The following SGCZ variants were observed in gnomAD, a reference collection of about 807,000 sequenced individuals.
SGCZ encodes the protein sarcoglycan zeta, also known as zeta-sarcoglycan.
In SGCZ, 40 loss-of-function variants were observed where a neutral mutation model predicts 41.3. That is an observed-to-expected ratio of 0.97 (90% CI 0.75 to 1.26). The LOEUF is 1.26. SGCZ is among the 50% of genes most tolerant of loss of function. SGCZ has a pLI of 0.00. For synonymous variants in SGCZ, 206 were observed against 137.5 expected, an observed-to-expected ratio of 1.50 and a Z score of -3.49; for missense variants, 552 against 369.8, an observed-to-expected ratio of 1.49 and a Z score of -4.04.
Position 14,227,167 on chromosome 8 carries a change from T to C in SGCZ, c.424+10425A>G, listed in dbSNP as rs534006795. On this transcript the variant is annotated intron_variant, in intron 4 of 7. Transcript: ENST00000382080. ...GCACATTTTCTTAGTCTGCAATGCC[T>C]GCTTCCCTGGAGTGGCAGGCTGGTC... Among the ~76,000 whole-genome samples the C allele has an allele frequency of 5.8e-4, 88 of 152,264 alleles. 1 individual carries two copies. Among genetic ancestry groups the C allele is most frequent in the African/African-American group, 2.1e-3 (87 of 41,570 alleles).
At chr8:14,819,069 A>G (rs762350826) in intron 1 of SGCZ, among the ~76,000 whole-genome samples, 2 of 152,094 alleles carry the variant, frequency 1.3e-5, no homozygotes, top group Non-Finnish European at 2.9e-5. Context: ...GGATAGATTC[A>G]ACCCAAAAGA....
At chr8:14,623,299 C>T (rs548672345) in intron 1 of SGCZ, among the ~76,000 whole-genome samples, 2 of 152,186 alleles carry the variant, frequency 1.3e-5, no homozygotes, top group Middle Eastern at 6.8e-3. Context: ...TTAGTTTGCA[C>T]CAAAACAAAA....
chr8:14,848,427 G>A (rs1219213936), intron 1 of SGCZ, among the ~76,000 whole-genome samples: 2 of 152,004 alleles, frequency 1.3e-5, no homozygotes, highest in Non-Finnish European at 2.9e-5. Context: ...CCAAATAGGA[G>A]GATTAACACT....
chr8:15,049,989 G>T (rs1047075109), intron 1 of SGCZ, among the ~76,000 whole-genome samples: 1 of 152,086 alleles, frequency 6.6e-6, no homozygotes, highest in Admixed American at 6.6e-5. Context: ...AAATTACCCA[G>T]TCTCAGGCAT....
At chr8:14,237,571 T>C (rs748457950) in intron 4 of SGCZ, 21 bp downstream of exon 4, 9 of 1,607,852 alleles carry the variant, frequency 5.6e-6, no homozygotes, top group South Asian at 1.1e-5. Flanking sequence ...GTAGGAGCAA[T>C]CTTTACCCCA....
intron 1 of SGCZ, among the ~76,000 whole-genome samples, chr8:15,092,439 T>C (rs1806188585): frequency 6.6e-6 from 1 of 152,218 alleles, no homozygotes; most frequent in African/African-American, 2.4e-5. Flanking sequence ...TTTATAGTAA[T>C]TTGGAAGTGG....
intron 1 of SGCZ, among the ~76,000 whole-genome samples, chr8:14,617,093 TG>T (rs1309811512): frequency 6.6e-6 from 1 of 152,134 alleles, no homozygotes; most frequent in African/African-American, 2.4e-5. Context: ...ATAGGATAAT[TG>T]TTATTACTAC....
At chr8:14,736,921 A>G (rs1223218203) in intron 1 of SGCZ, among the ~76,000 whole-genome samples, 2 of 151,906 alleles carry the variant, frequency 1.3e-5, no homozygotes, top group Non-Finnish European at 2.9e-5. Flanking sequence ...AGATACTTGC[A>G]CATGCATGTT....
intron 2 of SGCZ, among the ~76,000 whole-genome samples, chr8:14,537,985 T>A (rs1331670999): frequency 6.6e-6 from 1 of 151,944 alleles, no homozygotes; most frequent in Non-Finnish European, 1.5e-5. Flanking sequence ...GAGTCATACA[T>A]CTGATTGCTG....
chr8:14,156,519 C>G (rs1247320056), intron 5 of SGCZ, among the ~76,000 whole-genome samples: 1 of 152,148 alleles, frequency 6.6e-6, no homozygotes, highest in East Asian at 1.9e-4. Context: ...CAACAATAAC[C>G]TTAACTTACT....
intron 2 of SGCZ, among the ~76,000 whole-genome samples, chr8:14,443,021 C>G (rs898460835): frequency 6.6e-6 from 1 of 151,944 alleles, no homozygotes; most frequent in Non-Finnish European, 1.5e-5. Flanking sequence ...CAATAACAGC[C>G]AAACAGAGAG....
intron 1 of SGCZ, among the ~76,000 whole-genome samples, chr8:14,619,698 C>G (rs1806220918): frequency 6.6e-6 from 1 of 152,044 alleles, no homozygotes; most frequent in Non-Finnish European, 1.5e-5. Context: ...ACAATTGCTT[C>G]AAAGAGAATA....
At chr8:14,567,069 C>T (rs1181759498) in intron 1 of SGCZ, among the ~76,000 whole-genome samples, 3 of 152,214 alleles carry the variant, frequency 2.0e-5, no homozygotes, top group Non-Finnish European at 4.4e-5. Context: ...GTCTTAGCTG[C>T]CTCCCAGTGG....
intron 1 of SGCZ, among the ~76,000 whole-genome samples, chr8:14,726,339 T>C (rs1319355775): frequency 6.9e-6 from 1 of 145,196 alleles, no homozygotes; most frequent in Non-Finnish European, 1.5e-5. Flanking sequence ...TATATATATA[T>C]ATAAAATTAG....
intron 2 of SGCZ, among the ~76,000 whole-genome samples, chr8:14,412,048 C>G (rs1799374960): frequency 6.6e-6 from 1 of 152,034 alleles, no homozygotes; most frequent in South Asian, 2.1e-4. Context: ...ACCATCCTTC[C>G]CATAAAGCCA....
intron 1 of SGCZ, among the ~76,000 whole-genome samples, chr8:14,939,926 C>G: frequency 6.6e-6 from 1 of 152,166 alleles, no homozygotes; most frequent in Non-Finnish European, 1.5e-5. Flanking sequence ...AGTTTAATGG[C>G]ATACTTATAA....
At chr8:14,830,285 A>T (rs1288824202) in intron 1 of SGCZ, among the ~76,000 whole-genome samples, 1 of 152,024 alleles carries the variant, frequency 6.6e-6, no homozygotes, top group East Asian at 1.9e-4. Flanking sequence ...GCCTTAGTTA[A>T]CATTTACTGT....
Position 14,601,963 on chromosome 8 carries a change from A to T in SGCZ, c.40-47037T>A, listed in dbSNP as rs983933884. 5.3e-5 allele frequency among the ~76,000 whole-genome samples: 8 copies of T among 151,988 alleles called. No homozygotes were observed. In the East Asian group the frequency reaches 1.6e-3, roughly 30 times the overall value. On this transcript the variant is annotated intron_variant, in intron 1 of 7. Coordinates refer to ENST00000382080, the MANE Select transcript of SGCZ (RefSeq NM_139167.4). ...GTGAAACCCCGTCTCTACTGAAAAC[A>T]CAAAAAATTAGCCGGGCCTGGTGGC...
At chr8:14,339,698 T>C (rs1190476104) in intron 2 of SGCZ, among the ~76,000 whole-genome samples, 1 of 152,126 alleles carries the variant, frequency 6.6e-6, no homozygotes. Context: ...CCACACAGTA[T>C]CATGCAGCTA....
Sources: gnomAD v4.1 joint callset for allele counts (sites outside exome capture counted in the v4.1 genomes callset) on GRCh38, gnomAD v4.1.1 for gene constraint, MANE v1.5 for transcripts, NCBI Gene and HGNC (gene_info 2026-07-23, HGNC 2026-07-21) for gene names.